Variants in TNFSF13B observed in about 807,000 individuals in gnomAD.
The protein encoded by TNFSF13B is tumor necrosis factor ligand superfamily member 13B.
A neutral mutation model predicts 29.1 loss-of-function variants in TNFSF13B; 8 were observed. The observed-to-expected ratio is 0.27, with a 90% CI of 0.16 to 0.50. TNFSF13B has a LOEUF of 0.50. Among genes scored for constraint, TNFSF13B ranks in the 20% least tolerant of loss-of-function variants. The pLI, the probability that TNFSF13B is intolerant of heterozygous loss-of-function variation, is 0.98. For missense variants in TNFSF13B, 248 were observed against 334.9 expected, an observed-to-expected ratio of 0.74 and a Z score of 2.03; for synonymous variants, 125 against 130.8, an observed-to-expected ratio of 0.96 and a Z score of 0.30.
chr13:108,301,706 C>T (rs1187704532), intron 3 of TNFSF13B, among the ~76,000 whole-genome samples: 3 of 152,000 alleles, frequency 2.0e-5, no homozygotes, highest in African/African-American at 4.8e-5. Context: ...TGGAGGAATA[C>T]GTTCAAGAGA....
chr13:108,288,364 T>C (rs1203728016), intron 3 of TNFSF13B, among the ~76,000 whole-genome samples: 1 of 152,206 alleles, frequency 6.6e-6, no homozygotes, highest in Non-Finnish European at 1.5e-5. Flanking sequence ...TGGAGTTATG[T>C]CCTGATAAAC....
At chr13:108,275,551 A>C (rs910610181) in intron 2 of TNFSF13B, among the ~76,000 whole-genome samples, 2 of 152,134 alleles carry the variant, frequency 1.3e-5, no homozygotes, top group African/African-American at 2.4e-5. Context: ...ATTCAAAGTA[A>C]TGTAAAGCAA....
At chr13:108,272,594 T>G (rs1880650085) in intron 2 of TNFSF13B, among the ~76,000 whole-genome samples, 1 of 152,088 alleles carries the variant, frequency 6.6e-6, no homozygotes, top group Non-Finnish European at 1.5e-5. Flanking sequence ...CTCAACCAAA[T>G]GTATTAAATA....
In TNFSF13B at chr13:108,294,764, T is replaced by G. The variant is rs936918304; in HGVS notation, c.481+7905T>G. The stretch of plus-strand genomic sequence containing the variant: ...GAATGGTTCCCTTCTCTTTTACTGT[T>G]TTTTGGAAGAGTTTGAGAAGATTGA... On this transcript the variant is annotated intron_variant, in intron 3 of 5. Coordinates refer to ENST00000375887, the MANE Select transcript of TNFSF13B (RefSeq NM_006573.5). 6.7e-5 allele frequency among the ~76,000 whole-genome samples: 8 copies of G among 119,602 alleles called. 3 individuals carry two copies. Among genetic ancestry groups the G allele is most frequent in the Non-Finnish European group, 1.3e-4 (7 of 52,906 alleles). The allele number at this position is 119,602 out of a possible 152,430, so 78.5% of individuals were successfully genotyped here.
At chr13:108,306,638 T>C (rs866530434) in intron 5 of TNFSF13B, among the ~76,000 whole-genome samples, 188 bp from the exon 6 acceptor site, 9 of 152,136 alleles carry the variant, frequency 5.9e-5, no homozygotes, top group African/African-American at 2.2e-4. Context: ...TAACTCCTTT[T>C]GCTTATTTCT....
At chr13:108,295,285 C>T (rs1053239568) in intron 3 of TNFSF13B, among the ~76,000 whole-genome samples, 7 of 145,444 alleles carry the variant, frequency 4.8e-5, no homozygotes, top group African/African-American at 1.6e-4. Flanking sequence ...GGCGATTCTC[C>T]TGCCTCAGCC....
At chr13:108,274,784 A>C (rs1401715840) in intron 2 of TNFSF13B, among the ~76,000 whole-genome samples, 1 of 152,022 alleles carries the variant, frequency 6.6e-6, no homozygotes, top group Admixed American at 6.5e-5. Context: ...TTACTTTTAA[A>C]GTGTTTATTT....
rs531630513 is a variant in TNFSF13B at position 108,279,310 on chromosome 13, G to A, written c.425-7493G>A. 2.9e-4 allele frequency among the ~76,000 whole-genome samples: 44 copies of A among 152,256 alleles called. 1 individual carries two copies. The highest frequency in any genetic ancestry group is 1.9e-3 in the East Asian group (10 of 5,182). ...GAGAAACAGTTACAGAAACAATTGC[G>A]TGTATAGTAACATGTATTTCAATAG... On this transcript the variant is annotated intron_variant, in intron 2 of 5. Transcript: ENST00000375887.
In TNFSF13B at chr13:108,270,388, A is replaced by G; in HGVS notation, c.388A>G (p.Arg130Gly). 6.2e-7 allele frequency: 1 copy of G among 1,614,146 alleles called. No individual in the cohort carries two copies. Among genetic ancestry groups the G allele is most frequent in the Non-Finnish European group, 8.5e-7 (1 of 1,179,974 alleles). The change falls in exon 2 of 6, where the codon AGA (arginine) becomes GGA (glycine). Residue 130 changes from arginine to glycine, a missense_variant. Physicochemically the swap from Arg to Gly is moderately radical, Grantham distance 125. Coordinates refer to ENST00000375887, the MANE Select transcript of TNFSF13B (RefSeq NM_006573.5). ...PGEGNSSQNS[R>G]NKRAVQGPEE... ...AGAAGGCAACTCCAGTCAGAACAGC[A>G]GAAATAAGCGTGCCGTTCAGGGTCC...
In TNFSF13B at chr13:108,289,630, G is replaced by T. The variant is rs543436173; in HGVS notation, c.481+2771G>T. Among the ~76,000 whole-genome samples the T allele has an allele frequency of 1.0e-4, 15 of 147,414 alleles. No individual in the cohort carries two copies. The South Asian group carries it at 3.0e-3, about 29-fold the overall frequency. ...AATATATTATTATCTTCTGGGGAAA[G>T]AATTTATATATATAAATATTATTAG... On this transcript the variant is annotated intron_variant, in intron 3 of 5. Transcript: ENST00000375887.
At chr13:108,284,658 G>C (rs140363873) in intron 2 of TNFSF13B, among the ~76,000 whole-genome samples, 1 of 152,230 alleles carries the variant, frequency 6.6e-6, no homozygotes, top group East Asian at 1.9e-4. Flanking sequence ...TATAACAAAG[G>C]AAAGATGCAA....
At chr13:108,290,241 G>T (rs1025432271) in intron 3 of TNFSF13B, among the ~76,000 whole-genome samples, 1 of 152,018 alleles carries the variant, frequency 6.6e-6, no homozygotes, top group Admixed American at 6.6e-5. Context: ...GAAAAAAAAA[G>T]CAGCATAGTA....
chr13:108,295,571 T>C lies in TNFSF13B; in HGVS notation c.482-7682T>C, dbSNP rs556660809. Among the ~76,000 whole-genome samples, 14 of 145,224 alleles carry C rather than the reference T, an allele frequency of 9.6e-5. 2 individuals carry two copies. Among genetic ancestry groups the C allele is most frequent in the African/African-American group, 2.9e-4 (11 of 38,558 alleles). Reference sequence around the variant, plus strand: ...TATCTGATCTTTATTATTTTCTTCCTTCTGTCAATTTTGGGCTTAGTTTCT... The same window carrying C: ...TATCTGATCTTTATTATTTTCTTCCCTCTGTCAATTTTGGGCTTAGTTTCT... On this transcript the variant is annotated intron_variant, in intron 3 of 5. Coordinates refer to ENST00000375887, the MANE Select transcript of TNFSF13B (RefSeq NM_006573.5).
At chr13:108,298,713 A>G (rs1399485025) in intron 3 of TNFSF13B, among the ~76,000 whole-genome samples, 1 of 145,750 alleles carries the variant, frequency 6.9e-6, no homozygotes, top group Non-Finnish European at 1.5e-5. Context: ...ACGGTAGCTC[A>G]TGCCTGTAAT....
At chr13:108,302,972 G>T in intron 3 of TNFSF13B, 1 of 563,060 alleles carries the variant, frequency 1.8e-6, no homozygotes, top group Non-Finnish European at 2.4e-6. Context: ...TGAAATAGCC[G>T]AAATATAGAC....
intron 5 of TNFSF13B, among the ~76,000 whole-genome samples, 185 bp downstream of exon 5, chr13:108,303,789 T>C (rs1412377078): frequency 2.0e-5 from 3 of 152,204 alleles, no homozygotes; most frequent in African/African-American, 4.8e-5. Flanking sequence ...TTGAGAAAGA[T>C]GGAATTATTA....
intron 3 of TNFSF13B, among the ~76,000 whole-genome samples, chr13:108,291,814 A>G (rs945220285): frequency 6.6e-6 from 1 of 151,986 alleles, no homozygotes; most frequent in Non-Finnish European, 1.5e-5. Flanking sequence ...TATTCATCAT[A>G]ATGTGCTATA....
At chr13:108,300,043 T>C (rs533317297) in intron 3 of TNFSF13B, among the ~76,000 whole-genome samples, 3 of 152,172 alleles carry the variant, frequency 2.0e-5, no homozygotes, top group Non-Finnish European at 2.9e-5. Flanking sequence ...TAAATTATTA[T>C]AAAATTTTAG....
rs750099742 is a variant in TNFSF13B, at chr13:108,270,157, G to T, written c.262G>T (p.Ala88Ser). 5.0e-6 allele frequency: 8 copies of T among 1,601,874 alleles called. No homozygotes were observed. The highest frequency in any genetic ancestry group is 6.8e-6 in the Non-Finnish European group (8 of 1,179,768). The stretch of plus-strand genomic sequence containing the variant: ...CCGGGCAGAGCTGCAGGGCCACCAC[G>T]CGGAGAAGCTGCCAGCAGGAGCAGG... ...SLRAELQGHH[A>S]EKLPAGAGAP... Residue 88 changes from alanine to serine, a missense_variant, in exon 1 of 6, where the codon GCG becomes TCG. Transcript: ENST00000375887.
Sources: allele counts gnomAD v4.1 joint callset (sites outside exome capture counted in the v4.1 genomes callset), GRCh38; gene constraint gnomAD v4.1.1; transcripts MANE v1.5; gene names NCBI Gene and HGNC (gene_info 2026-07-23, HGNC 2026-07-21).